The following IGSF21 variants were observed in gnomAD, a reference collection of about 807,000 sequenced individuals.
IGSF21 encodes the protein immunoglobin superfamily member 21.
IGSF21 carries 28 observed loss-of-function variants against 46.8 expected under a neutral mutation model. The observed-to-expected ratio is 0.60, with a 90% CI of 0.44 to 0.82. The LOEUF (loss-of-function observed/expected upper bound fraction) is 0.82, where lower values mean the gene tolerates loss of function less well. Ranked by LOEUF, IGSF21 falls within the 40% of genes least tolerant of loss-of-function variation. IGSF21 has a pLI of 0.00. For synonymous variants in IGSF21, 284 were observed against 273.6 expected (o/e 1.04, Z -0.38); for missense variants, 624 against 665.5 (o/e 0.94, Z 0.69).
intron 2 of IGSF21, among the ~76,000 whole-genome samples, chr1:18,242,628 A>T (rs1197676775): frequency 6.6e-6 from 1 of 152,200 alleles, no homozygotes; most frequent in African/African-American, 2.4e-5. Flanking sequence ...GGGTGTAAGA[A>T]GGCTGTTTAT....
intron 1 of IGSF21, among the ~76,000 whole-genome samples, chr1:18,171,743 T>C (rs902824614): frequency 1.3e-5 from 2 of 152,256 alleles, no homozygotes; most frequent in African/African-American, 4.8e-5. Context: ...CATTCTCTTC[T>C]AGCAAAACTT....
chr1:18,108,984 C>CTGTGTGTGTGTG (rs1375887978), intron 1 of IGSF21, among the ~76,000 whole-genome samples: 91 of 13,306 alleles, frequency 6.8e-3, no homozygotes, highest in Non-Finnish European at 0.012. Flanking sequence ...GTGAGCAGCT[C>CTGTGTGTGTGTG]AGTGTGTGTG....
intron 1 of IGSF21, among the ~76,000 whole-genome samples, chr1:18,182,664 A>C (rs542464063): frequency 1.6e-3 from 250 of 152,354 alleles, no homozygotes; most frequent in Non-Finnish European, 2.5e-3. Context: ...GAATGAATGC[A>C]TGCATGGATG....
At chr1:18,156,625 G>A (rs991282221) in intron 1 of IGSF21, among the ~76,000 whole-genome samples, 2 of 152,158 alleles carry the variant, frequency 1.3e-5, no homozygotes, top group African/African-American at 4.8e-5. Flanking sequence ...GTGGCATTCT[G>A]GGTCTCTCCT....
At position 18,166,115 on chromosome 1, in the gene IGSF21, G is replaced by A. The variant is rs1489855046; in HGVS notation, c.70+57917G>A. Among the ~76,000 whole-genome samples the A allele has an allele frequency of 2.0e-5, 3 of 152,144 alleles. No individual in the cohort carries two copies. In the East Asian group the frequency reaches 5.8e-4, roughly 29 times the overall value. On this transcript the variant is annotated intron_variant, in intron 1 of 9. Transcript: ENST00000251296. ...GCCTTGCTGAAGAAATTAAATTTAT[G>A]TTCAAGTGCTATTTCTTTACAGAAC...
chr1:18,285,762 T>A (rs1314386309), intron 2 of IGSF21, among the ~76,000 whole-genome samples: 3 of 152,110 alleles, frequency 2.0e-5, no homozygotes, highest in African/African-American at 7.2e-5. Flanking sequence ...CTGACCAACC[T>A]CCCTACTTCG....
intron 1 of IGSF21, chr1:18,115,099 T>C (rs1350329442): frequency 6.6e-6 from 1 of 152,386 alleles, no homozygotes; most frequent in Non-Finnish European, 1.5e-5. Flanking sequence ...TCCACAGTCT[T>C]GTCCTGCTCA....
At chr1:18,364,121 G>A (rs1304392080) in intron 5 of IGSF21, among the ~76,000 whole-genome samples, 1 of 151,964 alleles carries the variant, frequency 6.6e-6, no homozygotes, top group African/African-American at 2.4e-5. Flanking sequence ...CAACATTTGC[G>A]ACACGGCAAT....
chr1:18,200,622 A>G (rs2124482610), intron 1 of IGSF21, among the ~76,000 whole-genome samples: 1 of 152,312 alleles, frequency 6.6e-6, no homozygotes, highest in South Asian at 2.1e-4. Context: ...AGAACATTAT[A>G]TTCAATTCGG....
chr1:18,186,644 T>C (rs1463747852), intron 1 of IGSF21, among the ~76,000 whole-genome samples: 1 of 152,228 alleles, frequency 6.6e-6, no homozygotes, highest in African/African-American at 2.4e-5. Context: ...AACACTCATC[T>C]GATCGTCCCC....
At chr1:18,353,933 G>A (rs1292344318) in intron 4 of IGSF21, among the ~76,000 whole-genome samples, 1 of 152,218 alleles carries the variant, frequency 6.6e-6, no homozygotes, top group Non-Finnish European at 1.5e-5. Flanking sequence ...GAGAAATGAA[G>A]GAAACAAACA....
chr1:18,108,395 T>G (rs2086111486), intron 1 of IGSF21, among the ~76,000 whole-genome samples, 197 bp downstream of exon 1: 1 of 142,664 alleles, frequency 7.0e-6, no homozygotes, highest in Non-Finnish European at 1.6e-5. Context: ...TGTGCCAGGG[T>G]GTGTGTGTGT....
intron 3 of IGSF21, among the ~76,000 whole-genome samples, chr1:18,327,264 G>T (rs1051661703): frequency 1.3e-5 from 2 of 152,196 alleles, no homozygotes; most frequent in Admixed American, 6.5e-5. Flanking sequence ...GCTTCTAGAA[G>T]AAGGCACTGA....
At chr1:18,226,530 T>C (rs932587714) in intron 1 of IGSF21, among the ~76,000 whole-genome samples, 1 of 152,160 alleles carries the variant, frequency 6.6e-6, no homozygotes, top group Non-Finnish European at 1.5e-5. Flanking sequence ...CTGGCCTAAG[T>C]TACAGGCCTC....
intron 2 of IGSF21, among the ~76,000 whole-genome samples, chr1:18,228,305 G>A (rs575922538): frequency 1.3e-5 from 2 of 152,166 alleles, no homozygotes; most frequent in Non-Finnish European, 2.9e-5. Context: ...CTGGACCCTG[G>A]GCACAGTGTA....
At chr1:18,302,883 T>C (rs1253836220) in intron 3 of IGSF21, among the ~76,000 whole-genome samples, 3 of 152,176 alleles carry the variant, frequency 2.0e-5, no homozygotes, top group Non-Finnish European at 4.4e-5. Context: ...GTTCTCTACC[T>C]ACCTTCCCCC....
chr1:18,199,652 A>G (rs1020099404), intron 1 of IGSF21, among the ~76,000 whole-genome samples: 5 of 152,026 alleles, frequency 3.3e-5, no homozygotes, highest in African/African-American at 1.2e-4. Flanking sequence ...TAGAGCCCAG[A>G]GTGAGCAGGT....
intron 1 of IGSF21, among the ~76,000 whole-genome samples, chr1:18,108,438 G>A (rs1376177773): frequency 6.6e-6 from 1 of 151,984 alleles, no homozygotes; most frequent in Non-Finnish European, 1.5e-5. Flanking sequence ...GTGTGTCTGG[G>A]TGAGGGTGTC....
intron 2 of IGSF21, among the ~76,000 whole-genome samples, chr1:18,243,205 T>A (rs989569918): frequency 4.6e-5 from 7 of 152,190 alleles, no homozygotes; most frequent in African/African-American, 1.7e-4. Flanking sequence ...CCTAGAGATG[T>A]CTGATAAGCA....
Sources: gnomAD v4.1 joint callset for allele counts (sites outside exome capture counted in the v4.1 genomes callset) on GRCh38, gnomAD v4.1.1 for gene constraint, MANE v1.5 for transcripts, NCBI Gene and HGNC (gene_info 2026-07-23, HGNC 2026-07-21) for gene names.